Variants in IL4I1 observed in about 807,000 individuals in gnomAD.
IL4I1 encodes the protein interleukin 4 induced 1.
In IL4I1, 24 loss-of-function variants were observed where a neutral mutation model predicts 29.7. The observed-to-expected ratio is 0.81, with a 90% CI of 0.59 to 1.14. The LOEUF (loss-of-function observed/expected upper bound fraction) is 1.14, where lower values mean the gene tolerates loss of function less well. Ranked by LOEUF, IL4I1 falls within the 50% of genes most tolerant of loss-of-function variation. IL4I1 has a pLI of 0.00. For synonymous variants in IL4I1, 371 were observed against 352.5 expected, an observed-to-expected ratio of 1.05 and a Z score of -0.59; for missense variants, 686 against 785.6, an observed-to-expected ratio of 0.87 and a Z score of 1.52.
chr19:49,920,313 C>T (rs1045276217), intron 2 of IL4I1, among the ~76,000 whole-genome samples: 1 of 152,182 alleles, frequency 6.6e-6, no homozygotes, highest in Admixed American at 6.5e-5. Flanking sequence ...AATCTCTCGA[C>T]CTTGAGATCC....
intron 2 of IL4I1, among the ~76,000 whole-genome samples, chr19:49,906,517 T>C (rs961751412): frequency 6.6e-6 from 1 of 152,228 alleles, no homozygotes; most frequent in African/African-American, 2.4e-5. Context: ...CAGCCATATT[T>C]GTGTATATTC....
chr19:49,898,822 T>C (rs1055753521), upstream of IL4I1, among the ~76,000 whole-genome samples: 4 of 152,072 alleles, frequency 2.6e-5, no homozygotes, highest in African/African-American at 9.7e-5. Context: ...TGAGCCGAGA[T>C]TGCACCGCTG....
chr19:49,905,731 G>C (rs978116725), intron 2 of IL4I1, among the ~76,000 whole-genome samples: 2 of 152,122 alleles, frequency 1.3e-5, no homozygotes, highest in Non-Finnish European at 2.9e-5. Context: ...CGAGTAGCTG[G>C]GATTACAGGC....
rs541635369 is a variant in IL4I1, at chr19:49,889,981, C to T, written c.1393G>A (p.Glu465Lys). Residue 465 changes from glutamate (E) to lysine (K), a missense_variant, in exon 8 of 8, where the codon GAA becomes AAA. Glu to Lys is a moderately conservative substitution (Grantham distance 56, BLOSUM62 1). Transcript: ENST00000391826. Reference protein sequence around the residue: ...VVQPPALWQTEKDDWTVPYGR... With the variant: ...VVQPPALWQTKKDDWTVPYGR... ...TAAGGGACCGTCCAGTCATCCTTTT[C>T]GGTTTGCCAGAGCGCCGGCGGCTGT... is the stretch of plus-strand genomic sequence containing the variant. 4.5e-4 allele frequency: 704 copies of T among 1,570,124 alleles called. 1 individual carries two copies. Among genetic ancestry groups the T allele is most frequent in the Middle Eastern group, 8.3e-4 (5 of 6,008 alleles).
intron 2 of IL4I1, among the ~76,000 whole-genome samples, chr19:49,927,220 G>T (rs904649674): frequency 2.0e-5 from 3 of 152,002 alleles, no homozygotes; most frequent in African/African-American, 7.2e-5. Context: ...CACAGGGAAG[G>T]GAAATGGCCA....
chr19:49,894,558 A>C, intron 4 of IL4I1, 89 bp from the exon 5 acceptor site: 1 of 638,358 alleles, frequency 1.6e-6, no homozygotes. Context: ...GTGGGAGGGG[A>C]GAGTAGCTGG....
At chr19:49,898,473 T>TA (rs945876157), upstream of IL4I1, among the ~76,000 whole-genome samples, 6 of 152,202 alleles carry the variant, frequency 3.9e-5, no homozygotes, top group South Asian at 4.2e-4. Flanking sequence ...ACCCTTTCTC[T>TA]AAAAAAGAAA....
At position 49,889,910 on chromosome 19, in the gene IL4I1, G is replaced by A. The variant is rs2075106974; in HGVS notation, c.1464C>T (p.Gly488=). 3.1e-6 allele frequency: 5 copies of A among 1,609,552 alleles called. No homozygotes were observed. The Admixed American group carries it at 6.7e-5, about 22-fold the overall frequency. The change falls in exon 8 of 8, where the codon GGC becomes GGT. Residue 488 remains glycine (G), a synonymous_variant. Coordinates refer to ENST00000391826, the MANE Select transcript of IL4I1 (RefSeq NM_152899.2). ...CCGACTTGACCGCCGTCTCCACCCA[G>A]CCGTGCGGGTAGGCGGTGTGCTCGC... is the stretch of plus-strand genomic sequence containing the variant. The part of the protein sequence containing the change: ...FAGEHTAYPH[G]WVETAVKSAL...
At chr19:49,901,697 A>C (rs1054021288), upstream of IL4I1, 1 of 1,536,796 alleles carries the variant, frequency 6.5e-7, no homozygotes. Flanking sequence ...TTAGCCCAGG[A>C]CAGAAGTCAT....
chr19:49,901,016 G>C (rs549280387), upstream of IL4I1, among the ~76,000 whole-genome samples: 6 of 152,316 alleles, frequency 3.9e-5, no homozygotes, highest in African/African-American at 1.2e-4. Flanking sequence ...GCTGGGGACC[G>C]GGCCCCTGCC....
chr19:49,898,532 G>A (rs1013996442), upstream of IL4I1, among the ~76,000 whole-genome samples: 7 of 152,080 alleles, frequency 4.6e-5, no homozygotes, highest in East Asian at 1.9e-4. Context: ...CTTGGAGGCC[G>A]CCTGGTGCTC....
At chr19:49,914,429 C>A (rs1306402927) in intron 2 of IL4I1, among the ~76,000 whole-genome samples, 1 of 152,138 alleles carries the variant, frequency 6.6e-6, no homozygotes, top group Non-Finnish European at 1.5e-5. Context: ...GGACACAGCT[C>A]CAGAGAAGCG....
intron 1 of IL4I1, chr19:49,927,968 A>C (rs2075946364): frequency 6.6e-6 from 1 of 152,204 alleles, no homozygotes; most frequent in Admixed American, 6.5e-5. Flanking sequence ...GTGGAAGCTG[A>C]AGGACGGTTT....
chr19:49,908,395 C>T (rs766085373), intron 2 of IL4I1: 6 of 1,614,214 alleles, frequency 3.7e-6, no homozygotes, highest in Non-Finnish European at 5.1e-6. Context: ...AGATCTGCTG[C>T]AGTGGGTCAC....
chr19:49,890,487 T>C lies in IL4I1; in HGVS notation c.887A>G (p.Asp296Gly). The change falls in exon 8 of 8, where the codon GAT becomes GGT. Residue 296 changes from aspartate (D) to glycine (G), a missense_variant. By Grantham distance (94) the Asp-to-Gly change is moderately conservative (BLOSUM62 -1). Transcript: ENST00000391826. ...PVVAMTQGPH[D>G]VHVQIETSPP... ...AGAGGTCTCGATCTGCACGTGCACATCGTGCGGTCCCTGGGTCATCGCCAC... is the reference window on the plus strand; with the variant it reads ...AGAGGTCTCGATCTGCACGTGCACACCGTGCGGTCCCTGGGTCATCGCCAC... 1 of 1,611,776 alleles carries C rather than the reference T, an allele frequency of 6.2e-7. No individual in the cohort carries two copies. Among genetic ancestry groups the C allele is most frequent in the East Asian group, 2.2e-5 (1 of 44,870 alleles).
At chr19:49,890,928 T>TGGGGC in intron 7 of IL4I1, 43 bp downstream of exon 7, 1 of 633,210 alleles carries the variant, frequency 1.6e-6, no homozygotes, top group Non-Finnish European at 2.4e-6. Context: ...TTTCCCTGAT[T>TGGGGC]GCCCCCCGCC....
chr19:49,894,925 G>C (rs2075185599), intron 4 of IL4I1, 143 bp downstream of exon 4: 1 of 660,634 alleles, frequency 1.5e-6, no homozygotes, highest in South Asian at 1.8e-5. Flanking sequence ...CTGGAGGCAA[G>C]ACTGAGGTGA....
intron 3 of IL4I1, 117 bp downstream of exon 3, chr19:49,895,698 T>TGCCCCCCCCAACCCCCCCCCACC: frequency 1.4e-6 from 1 of 705,418 alleles, no homozygotes; most frequent in Admixed American, 2.2e-5. Context: ...AGATAGCCTC[T>TGCCCCCCCCAACCCCCCCCCACC]CCCCCCACAT....
intron 2 of IL4I1, among the ~76,000 whole-genome samples, chr19:49,922,848 G>C (rs1300608827): frequency 3.3e-5 from 5 of 152,090 alleles, no homozygotes; most frequent in Non-Finnish European, 7.4e-5. Context: ...CTCTGGGCCT[G>C]ACACAGGGCC....
Sources: gnomAD v4.1 joint callset for allele counts (sites outside exome capture counted in the v4.1 genomes callset) on GRCh38, gnomAD v4.1.1 for gene constraint, MANE v1.5 for transcripts, NCBI Gene and HGNC (gene_info 2026-07-23, HGNC 2026-07-21) for gene names.